DPH6: variants seen among roughly 807,000 people sequenced by gnomAD.
DPH6 encodes the protein diphthine--ammonia ligase.
Under a neutral mutation model 38.2 loss-of-function variants are expected in DPH6, and 33 were observed. The observed-to-expected ratio is 0.86, with a 90% CI of 0.65 to 1.15. The LOEUF is 1.15. Ranked by LOEUF, DPH6 falls within the 50% of genes most tolerant of loss-of-function variation. DPH6 has a pLI of 0.00. For synonymous variants in DPH6, 108 were observed against 103.0 expected (o/e 1.05, Z -0.30); for missense variants, 325 against 320.0 (o/e 1.02, Z -0.12).
At chr15:35,199,183 G>A in the DPH6 span, among the ~76,000 whole-genome samples, 1 of 152,170 alleles carries the variant, frequency 6.6e-6, no homozygotes, top group Non-Finnish European at 1.5e-5. Context: ...GAAGTGCTGG[G>A]ATTACAGGCG....
At chr15:35,410,921 A>T (rs1595540078) in intron 5 of DPH6, 25 bp from the exon 6 acceptor site, 1 of 1,594,636 alleles carries the variant, frequency 6.3e-7, no homozygotes, top group Non-Finnish European at 8.5e-7. Context: ...TACATTTTTT[A>T]AAGATAACTA....
intron 3 of DPH6, among the ~76,000 whole-genome samples, chr15:35,488,231 C>A (rs1340910341): frequency 6.6e-6 from 1 of 152,106 alleles, no homozygotes; most frequent in East Asian, 1.9e-4. Context: ...CTGAGCTCTC[C>A]AAATTGTTCC....
At chr15:35,343,608 T>A (rs16960797) in intron 3 of DPH6, among the ~76,000 whole-genome samples, 3,094 of 152,138 alleles carry the variant, frequency 0.02, 97 homozygotes, top group African/African-American at 0.071. Flanking sequence ...TGGCAATGAA[T>A]AGACTACTTT....
chr15:35,437,411 T>C (rs2053731006), intron 5 of DPH6, among the ~76,000 whole-genome samples: 1 of 152,214 alleles, frequency 6.6e-6, no homozygotes, highest in African/African-American at 2.4e-5. Context: ...GAGAAGTTAA[T>C]TTCCCAAACC....
chr15:35,353,683 C>T (rs985013223), intron 3 of DPH6, among the ~76,000 whole-genome samples: 1 of 152,150 alleles, frequency 6.6e-6, no homozygotes, highest in Non-Finnish European at 1.5e-5. Flanking sequence ...GTTACTGTAG[C>T]CTTGTAGTAT....
rs149616280 is a variant in DPH6, at chr15:35,437,006, CAG to C, written c.505+13677_505+13678del. 4.3e-3 allele frequency among the ~76,000 whole-genome samples: 652 copies of C among 151,536 alleles called. 33 individuals are homozygous for C. In the East Asian group the frequency reaches 0.1, roughly 24 times the overall value. On this transcript the variant is annotated intron_variant, in intron 5 of 8. Transcript: ENST00000256538. ...CGAAGGCTACTAACAGCAGGGGAGACAGGGTGTACGTGGGTAACAGCAGATAA... is the reference window on the plus strand; with the variant it reads ...CGAAGGCTACTAACAGCAGGGGAGACGGTGTACGTGGGTAACAGCAGATAA...
chr15:35,218,628 T>G (rs551271806), exon 4 of DPH6: 1 of 152,236 alleles, frequency 6.6e-6, no homozygotes, highest in East Asian at 1.9e-4. Flanking sequence ...TGGCCAACTT[T>G]TTATTTAACA....
intron 3 of DPH6, among the ~76,000 whole-genome samples, chr15:35,496,555 C>CAAAAAAAAAA (rs1180094812): frequency 2.0e-4 from 10 of 49,254 alleles, no homozygotes; most frequent in African/African-American, 8.7e-4. Flanking sequence ...AGTTCCATCT[C>CAAAAAAAAAA]AAAAAAAAAA....
At chr15:35,410,444 G>A (rs1275629494) in intron 6 of DPH6, among the ~76,000 whole-genome samples, 2 of 151,540 alleles carry the variant, frequency 1.3e-5, no homozygotes, top group Non-Finnish European at 3.0e-5. Flanking sequence ...TTTCCTAATT[G>A]GTAAAAGAGA....
At chr15:35,295,548 T>C (rs886359788) in intron 3 of DPH6, among the ~76,000 whole-genome samples, 4 of 152,204 alleles carry the variant, frequency 2.6e-5, no homozygotes, top group African/African-American at 9.6e-5. Context: ...TCCATGCCAT[T>C]ACTCCTGTCA....
Position 35,241,588 on chromosome 15 carries a change from C to G in DPH6, n.201-21006G>C, listed in dbSNP as rs1296265344. Among the ~76,000 whole-genome samples, 4 of 142,592 alleles carry G rather than the reference C, an allele frequency of 2.8e-5. 1 individual carries two copies. The highest frequency in any genetic ancestry group is 6.1e-5 in the Non-Finnish European group (4 of 65,216). The allele number at this position is 142,592 out of a possible 152,430, so 93.5% of individuals were successfully genotyped here. A position where few individuals can be genotyped will look rare whatever the true frequency, so the allele number is the denominator to read the frequency against. ...TTCCCTGACTATTCCTGGATTATAGCCACATCTCATTGCTGCCCTTCTTCC... is the reference window on the plus strand; with the variant it reads ...TTCCCTGACTATTCCTGGATTATAGGCACATCTCATTGCTGCCCTTCTTCC... On this transcript the variant is annotated intron_variant and non_coding_transcript_variant, in intron 3 of 3. Transcript: ENST00000560386.
At chr15:35,297,332 GTT>G (rs34357081) in intron 3 of DPH6, among the ~76,000 whole-genome samples, 12 of 139,300 alleles carry the variant, frequency 8.6e-5, no homozygotes, top group African/African-American at 2.3e-4. Context: ...CCCTCCCTCA[GTT>G]TTTTTTTTTT....
rs574594921 is a variant in DPH6 at position 35,350,956 on chromosome 15, G to A, written n.208-19879C>T. ...CTATAAAGACCAATTTGTCTAGAGTGTTGTTCAAGTCTTCTGTTTCTTTAC... is the reference window on the plus strand; with the variant it reads ...CTATAAAGACCAATTTGTCTAGAGTATTGTTCAAGTCTTCTGTTTCTTTAC... On this transcript the variant is annotated intron_variant and non_coding_transcript_variant, in intron 3 of 3. Transcript: ENST00000558973. 1.4e-4 allele frequency among the ~76,000 whole-genome samples: 21 copies of A among 152,258 alleles called. No individual in the cohort carries two copies. In the East Asian group the frequency reaches 4.0e-3, roughly 29 times the overall value.
intron 3 of DPH6, among the ~76,000 whole-genome samples, chr15:35,503,057 A>G (rs1357491250): frequency 1.3e-5 from 2 of 151,346 alleles, no homozygotes; most frequent in Non-Finnish European, 2.9e-5. Context: ...AAGTCCTTGA[A>G]CAGCTGTATT....
chr15:35,250,124 G>A (rs2051662606), intron 3 of DPH6, among the ~76,000 whole-genome samples: 1 of 152,040 alleles, frequency 6.6e-6, no homozygotes, highest in Non-Finnish European at 1.5e-5. Flanking sequence ...CTTGCAGTGA[G>A]CCGAGATCGC....
chr15:35,341,157 A>G (rs1331192754), intron 3 of DPH6, among the ~76,000 whole-genome samples: 1 of 152,032 alleles, frequency 6.6e-6, no homozygotes, highest in African/African-American at 2.4e-5. Context: ...TCCTCCGCTC[A>G]GTCTATTCTG....
rs536656959 is a variant in DPH6 at position 35,225,689 on chromosome 15, C to T, written n.201-5107G>A. Among the ~76,000 whole-genome samples, 24 of 152,220 alleles carry T rather than the reference C, an allele frequency of 1.6e-4. 1 individual carries two copies. The South Asian group carries it at 3.3e-3, about 21-fold the overall frequency. On this transcript the variant is annotated intron_variant and non_coding_transcript_variant, in intron 3 of 3. Transcript: ENST00000560386. The stretch of plus-strand genomic sequence containing the variant: ...GTCCAGATTTTTTCTATTAAGCTAT[C>T]GTATTTTGAAACAAAGATCCAGGTA...
chr15:35,509,289 C>G (rs1459768531), intron 3 of DPH6, among the ~76,000 whole-genome samples: 2 of 151,946 alleles, frequency 1.3e-5, no homozygotes, highest in African/African-American at 4.8e-5. Flanking sequence ...AAAATAAAAC[C>G]TAAATTTCTT....
At chr15:35,245,857 G>A (rs944708036) in intron 3 of DPH6, among the ~76,000 whole-genome samples, 4 of 152,166 alleles carry the variant, frequency 2.6e-5, no homozygotes, top group African/African-American at 9.7e-5. Context: ...TATAATACAG[G>A]ATGTTCTCAA....
Sources: allele counts gnomAD v4.1 joint callset (sites outside exome capture counted in the v4.1 genomes callset), GRCh38; gene constraint gnomAD v4.1.1; transcripts MANE v1.5; gene names NCBI Gene and HGNC (gene_info 2026-07-23, HGNC 2026-07-21).